EXOC6B: variants seen among roughly 807,000 people sequenced by gnomAD.
EXOC6B encodes the protein SEC15 homolog B.
EXOC6B carries 54 observed loss-of-function variants against 113.5 expected under a neutral mutation model. The observed-to-expected ratio is 0.48, with a 90% CI of 0.38 to 0.60. The LOEUF (loss-of-function observed/expected upper bound fraction) is 0.60, where lower values mean the gene tolerates loss of function less well. Among genes scored for constraint, EXOC6B ranks in the 20% least tolerant of loss-of-function variants. The pLI is 0.00. For missense variants in EXOC6B, 797 were observed against 977.5 expected, an observed-to-expected ratio of 0.82 and a Z score of 2.46; for synonymous variants, 357 against 339.0, an observed-to-expected ratio of 1.05 and a Z score of -0.58.
At chr2:72,181,652 A>G (rs1282029314) in intron 21 of EXOC6B, among the ~76,000 whole-genome samples, 1 of 152,214 alleles carries the variant, frequency 6.6e-6, no homozygotes, top group Non-Finnish European at 1.5e-5. Flanking sequence ...AGAGACAGGC[A>G]GCCCGCTGGC....
chr2:72,465,124 T>A (rs965604388), intron 18 of EXOC6B, 36 bp downstream of exon 18: 1 of 1,422,574 alleles, frequency 7.0e-7, no homozygotes, highest in Non-Finnish European at 9.3e-7. Context: ...GAAATCTTTT[T>A]ATATATAAAG....
intron 20 of EXOC6B, among the ~76,000 whole-genome samples, chr2:72,278,143 A>G (rs1173136491): frequency 6.6e-6 from 1 of 152,246 alleles, no homozygotes; most frequent in African/African-American, 2.4e-5. Flanking sequence ...CTTTCAGTGC[A>G]GAATTTGTCA....
Position 72,398,455 on chromosome 2 carries a change from C to G in EXOC6B, c.1981-18585G>C, listed in dbSNP as rs138884416. On this transcript the variant is annotated intron_variant, in intron 18 of 21. Transcript: ENST00000272427. Reference sequence around the variant, plus strand: ...CTCACACCTGTAATCCCAGCACTTTCAGAGGCCAAGGCAGGTGGATCACTT... The same window carrying G: ...CTCACACCTGTAATCCCAGCACTTTGAGAGGCCAAGGCAGGTGGATCACTT... 2.6e-3 allele frequency among the ~76,000 whole-genome samples: 396 copies of G among 152,146 alleles called. 1 individual carries two copies. The highest frequency in any genetic ancestry group is 6.8e-3 in the Middle Eastern group (2 of 294).
At chr2:72,295,876 C>G (rs1288077412) in intron 20 of EXOC6B, among the ~76,000 whole-genome samples, 1 of 151,924 alleles carries the variant, frequency 6.6e-6, no homozygotes, top group Non-Finnish European at 1.5e-5. Flanking sequence ...ACTTAAAATA[C>G]GTATTTTTTT....
intron 20 of EXOC6B, among the ~76,000 whole-genome samples, chr2:72,213,657 G>A (rs1680332192): frequency 1.3e-5 from 2 of 152,152 alleles, no homozygotes. Flanking sequence ...ACATCCTTAT[G>A]ATGAAATCCT....
In EXOC6B at chr2:72,449,481, A is replaced by ATT. The variant is rs61544524; in HGVS notation, c.1980+15677_1980+15678dup. Among the ~76,000 whole-genome samples the ATT allele has an allele frequency of 2.9e-4, 40 of 139,086 alleles. 1 individual carries two copies. In the South Asian group the frequency reaches 6.4e-3, roughly 22 times the overall value. The allele number at this position is 139,086 out of a possible 152,430, so 91.2% of individuals were successfully genotyped here. On this transcript the variant is annotated intron_variant, in intron 18 of 21. Transcript: ENST00000272427. ...CCACCGCGCCTGGCCAGCATTGTCA[A>ATT]TTTTTTTTTTTTTTTTGCATTGCAG...
At chr2:72,432,441 A>C (rs1259361235) in intron 18 of EXOC6B, among the ~76,000 whole-genome samples, 1 of 152,224 alleles carries the variant, frequency 6.6e-6, no homozygotes, top group Non-Finnish European at 1.5e-5. Flanking sequence ...GTATATACCC[A>C]GTAATGGCAT....
chr2:72,821,341 A>G (rs1246059051), intron 1 of EXOC6B, among the ~76,000 whole-genome samples: 1 of 152,168 alleles, frequency 6.6e-6, no homozygotes, highest in Non-Finnish European at 1.5e-5. Flanking sequence ...AAGGATGTGG[A>G]AAAATTGGAA....
chr2:72,339,882 C>T (rs1688924223), intron 19 of EXOC6B, among the ~76,000 whole-genome samples: 2 of 152,122 alleles, frequency 1.3e-5, no homozygotes, highest in Admixed American at 1.3e-4. Context: ...ATATCTAACT[C>T]TTCATATTCT....
chr2:72,480,509 TC>T, intron 17 of EXOC6B, 106 bp downstream of exon 17: 2 of 1,041,654 alleles, frequency 1.9e-6, no homozygotes, highest in Non-Finnish European at 2.6e-6. Flanking sequence ...ACACTCATTC[TC>T]AAGAGCATGT....
chr2:72,741,555 G>A, intron 1 of EXOC6B, 86 bp from the exon 2 acceptor site: 1 of 1,201,608 alleles, frequency 8.3e-7, no homozygotes, highest in Admixed American at 2.4e-5. Flanking sequence ...CAAATTTAGG[G>A]CACATAAGCC....
In EXOC6B at chr2:72,808,859, C is replaced by T. The variant is rs147419709; in HGVS notation, c.113+16939G>A. ...AGGCAGAGGCAGAATTCCTCAAGCA[C>T]AGGAGTTCATGACCAGCCTGGGCAA... On this transcript the variant is annotated intron_variant, in intron 1 of 21. Coordinates refer to ENST00000272427, the MANE Select transcript of EXOC6B (RefSeq NM_015189.3). Among the ~76,000 whole-genome samples the T allele has an allele frequency of 1.2e-3, 182 of 152,226 alleles. 1 individual carries two copies. The highest frequency in any genetic ancestry group is 0.01 in the Middle Eastern group (3 of 294).
chr2:72,252,406 CAAGGCAA>C, intron 20 of EXOC6B, among the ~76,000 whole-genome samples: 1 of 152,110 alleles, frequency 6.6e-6, no homozygotes, highest in African/African-American at 2.4e-5. Context: ...AACAATGTTG[CAAGGCAA>C]TATAATAGAA....
At chr2:72,517,470 T>A in intron 8 of EXOC6B, among the ~76,000 whole-genome samples, 1 of 152,062 alleles carries the variant, frequency 6.6e-6, no homozygotes, top group East Asian at 1.9e-4. Flanking sequence ...GAAAATGAAA[T>A]CGAACACTAG....
chr2:72,728,927 G>A (rs114056216), intron 5 of EXOC6B, among the ~76,000 whole-genome samples: 2,466 of 152,198 alleles, frequency 0.016, 83 homozygotes, highest in African/African-American at 0.057. Context: ...CGAGCAAACT[G>A]TATCTATACA....
At chr2:72,204,232 A>C (rs1679683387) in intron 20 of EXOC6B, among the ~76,000 whole-genome samples, 1 of 152,010 alleles carries the variant, frequency 6.6e-6, no homozygotes, top group South Asian at 2.1e-4. Flanking sequence ...AATTATGAGA[A>C]AGTATTGTAG....
intron 20 of EXOC6B, among the ~76,000 whole-genome samples, chr2:72,276,770 A>G (rs889942654): frequency 6.6e-5 from 10 of 152,186 alleles, no homozygotes; most frequent in Non-Finnish European, 1.5e-4. Flanking sequence ...TAAAGAGACC[A>G]AAAATAAGTA....
At chr2:72,375,856 C>G (rs1007303799) in intron 19 of EXOC6B, among the ~76,000 whole-genome samples, 1 of 152,176 alleles carries the variant, frequency 6.6e-6, no homozygotes, top group Non-Finnish European at 1.5e-5. Context: ...AACATAGGCT[C>G]AAGCCTTCTT....
intron 7 of EXOC6B, among the ~76,000 whole-genome samples, chr2:72,572,356 T>C (rs1300493444): frequency 6.6e-6 from 1 of 152,148 alleles, no homozygotes; most frequent in Non-Finnish European, 1.5e-5. Flanking sequence ...TCCCAGGTGA[T>C]TCCCATGCAC....
Sources: gnomAD v4.1 joint callset for allele counts (sites outside exome capture counted in the v4.1 genomes callset) on GRCh38, gnomAD v4.1.1 for gene constraint, MANE v1.5 for transcripts, NCBI Gene and HGNC (gene_info 2026-07-23, HGNC 2026-07-21) for gene names.